The following OSBPL10 variants were observed in gnomAD, a reference collection of about 807,000 sequenced individuals.
OSBPL10 encodes oxysterol binding protein like 10, also known as oxysterol-binding protein-related protein 10.
OSBPL10 carries 49 observed loss-of-function variants against 81.7 expected under a neutral mutation model. The ratio of observed to expected loss-of-function variants is 0.60; its 90% CI spans 0.48 to 0.76. The LOEUF (loss-of-function observed/expected upper bound fraction) is 0.76, where lower values mean the gene tolerates loss of function less well. Ranked by LOEUF, OSBPL10 falls within the 30% of genes least tolerant of loss-of-function variation. The pLI, the probability that OSBPL10 is intolerant of heterozygous loss-of-function variation, is 0.00. For synonymous variants in OSBPL10, 419 were observed against 383.6 expected, an observed-to-expected ratio of 1.09 and a Z score of -1.08; for missense variants, 923 against 987.8, an observed-to-expected ratio of 0.93 and a Z score of 0.88.
intron 6 of OSBPL10, among the ~76,000 whole-genome samples, chr3:31,706,048 G>A (rs1201103863): frequency 2.6e-5 from 4 of 152,176 alleles, no homozygotes; most frequent in African/African-American, 7.2e-5. Flanking sequence ...TTGGAAAAAT[G>A]AGGATTTTAA....
chr3:31,678,378 G>C (rs1309783738), intron 8 of OSBPL10, among the ~76,000 whole-genome samples: 1 of 152,188 alleles, frequency 6.6e-6, no homozygotes, highest in Non-Finnish European at 1.5e-5. Context: ...GTGTGGGGAA[G>C]AGAGAATAAC....
At chr3:31,738,764 C>T (rs778589654) in intron 5 of OSBPL10, among the ~76,000 whole-genome samples, 7 of 152,168 alleles carry the variant, frequency 4.6e-5, no homozygotes, top group South Asian at 2.1e-4. Context: ...CAGACTCCTA[C>T]GCTATGCACC....
chr3:31,770,040 T>C (rs1698330995), intron 4 of OSBPL10, among the ~76,000 whole-genome samples: 1 of 152,182 alleles, frequency 6.6e-6, no homozygotes. Context: ...AAAGAGTCCT[T>C]GACTTTCATT....
At chr3:31,782,241 A>C (rs1398457093) in intron 4 of OSBPL10, among the ~76,000 whole-genome samples, 3 of 152,370 alleles carry the variant, frequency 2.0e-5, no homozygotes, top group Middle Eastern at 3.4e-3. Context: ...CACATGTACA[A>C]GAATGAAGCT....
At chr3:31,763,403 T>C (rs1698112287) in intron 4 of OSBPL10, among the ~76,000 whole-genome samples, 1 of 152,206 alleles carries the variant, frequency 6.6e-6, no homozygotes, top group South Asian at 2.1e-4. Flanking sequence ...TTAAACCATT[T>C]TCTTCAGACT....
At chr3:32,017,376 A>G (rs1458171504) in intron 2 of OSBPL10, among the ~76,000 whole-genome samples, 1 of 152,032 alleles carries the variant, frequency 6.6e-6, no homozygotes, top group East Asian at 1.9e-4. Context: ...ACACATTTTT[A>G]CTCTACCAAG....
intron 3 of OSBPL10, among the ~76,000 whole-genome samples, chr3:31,864,975 T>C (rs887809028): frequency 5.3e-5 from 8 of 151,848 alleles, no homozygotes; most frequent in Non-Finnish European, 1.2e-4. Flanking sequence ...CCTATGTTCC[T>C]GTTGCACAGG....
At chr3:31,815,547 G>A (rs12488832) in intron 4 of OSBPL10, among the ~76,000 whole-genome samples, 102,535 of 151,990 alleles carry the variant, frequency 0.67, 35,437 homozygotes, top group East Asian at 0.93. Context: ...TATGGAAACT[G>A]TGGTATTTAA....
chr3:31,793,979 G>C (rs1364698489), intron 4 of OSBPL10, among the ~76,000 whole-genome samples: 1 of 152,236 alleles, frequency 6.6e-6, no homozygotes, highest in Non-Finnish European at 1.5e-5. Flanking sequence ...TAGCAGCCAT[G>C]TTGGTTGGTG....
In OSBPL10 at chr3:31,740,857, T is replaced by TTTTATATATATATATATATATATATATA. The variant is rs1553620066; in HGVS notation, c.940+7052_940+7053insTATATATATATATATATATATATATAAA. Among the ~76,000 whole-genome samples, 196 of 136,398 alleles carry TTTTATATATATATATATATATATATATA rather than the reference T, an allele frequency of 1.4e-3. 4 individuals carry two copies. Among genetic ancestry groups the TTTTATATATATATATATATATATATATA allele is most frequent in the African/African-American group, 6.1e-3 (181 of 29,770 alleles). 89.5% of individuals were successfully genotyped at this position (136,398 alleles called of 152,430 possible). ...AACTTAATATGACCACTACTAGAAT[T>TTTTATATATATATATATATATATATATA]TATATATATATGTCATATTTCTTCC... is the stretch of plus-strand genomic sequence containing the variant. On this transcript the variant is annotated intron_variant, in intron 5 of 11. Transcript: ENST00000396556.
At chr3:32,036,531 TG>T (rs1699521806) in intron 2 of OSBPL10, among the ~76,000 whole-genome samples, 1 of 152,150 alleles carries the variant, frequency 6.6e-6, no homozygotes, top group Non-Finnish European at 1.5e-5. Flanking sequence ...AAGGTTACCA[TG>T]GGGTAAACCA....
At chr3:31,810,788 G>A (rs1699660930) in intron 4 of OSBPL10, among the ~76,000 whole-genome samples, 1 of 152,186 alleles carries the variant, frequency 6.6e-6, no homozygotes, top group Non-Finnish European at 1.5e-5. Flanking sequence ...GGCACAGTGA[G>A]TCCACAGGGT....
intron 7 of OSBPL10, among the ~76,000 whole-genome samples, chr3:31,698,907 C>G (rs1695809381): frequency 6.6e-6 from 1 of 152,156 alleles, no homozygotes; most frequent in Non-Finnish European, 1.5e-5. Context: ...TTTTCCCTCC[C>G]TCCTTCCCTC....
At chr3:31,985,867 A>G (rs987178984), upstream of OSBPL10, among the ~76,000 whole-genome samples, 4 of 152,174 alleles carry the variant, frequency 2.6e-5, no homozygotes, top group Non-Finnish European at 4.4e-5. Context: ...CAACAACCAC[A>G]TGAGGAGATC....
At chr3:31,860,584 G>C (rs957183372) in intron 3 of OSBPL10, among the ~76,000 whole-genome samples, 1 of 152,154 alleles carries the variant, frequency 6.6e-6, no homozygotes, top group Non-Finnish European at 1.5e-5. Context: ...CTGATGACCT[G>C]ACCCACCACA....
At chr3:31,921,070 G>A (rs988175664) in intron 1 of OSBPL10, among the ~76,000 whole-genome samples, 3 of 152,156 alleles carry the variant, frequency 2.0e-5, no homozygotes, top group Non-Finnish European at 2.9e-5. Context: ...GGGGGTGAAC[G>A]ATAAACTAGA....
chr3:31,661,930 A>T lies in OSBPL10; in HGVS notation c.*142T>A, dbSNP rs978698295. The stretch of plus-strand genomic sequence containing the variant: ...CAGAGTGTGGGGGTGCACTTTTCAT[A>T]GTATATAATTTCTCTCTCTCTCATC... On this transcript the variant is annotated 3_prime_UTR_variant, in exon 12 of 12. Coordinates refer to ENST00000396556, the MANE Select transcript of OSBPL10 (RefSeq NM_017784.5). 6.4e-6 allele frequency: 8 copies of T among 1,246,926 alleles called. No individual in the cohort carries two copies. Among genetic ancestry groups the T allele is most frequent in the Non-Finnish European group, 8.9e-6 (8 of 899,218 alleles). 77.2% of individuals were successfully genotyped at this position (1,246,926 alleles called of 1,614,324 possible). A position where few individuals can be genotyped will look rare whatever the true frequency, so the allele number is the denominator to read the frequency against.
intron 8 of OSBPL10, among the ~76,000 whole-genome samples, chr3:31,672,382 GGGAGA>G (rs1700345448): frequency 9.3e-6 from 1 of 107,262 alleles, no homozygotes; most frequent in Admixed American, 8.8e-5. Flanking sequence ...GCAGGAGGGA[GGGAGA>G]GGGAGAGGGA....
intron 4 of OSBPL10, among the ~76,000 whole-genome samples, chr3:31,782,974 A>C (rs1217713855): frequency 6.6e-6 from 1 of 152,088 alleles, no homozygotes; most frequent in African/African-American, 2.4e-5. Context: ...TACATGAAAA[A>C]GACACTTGCA....
Sources: gnomAD v4.1 joint callset for allele counts (sites outside exome capture counted in the v4.1 genomes callset) on GRCh38, gnomAD v4.1.1 for gene constraint, MANE v1.5 for transcripts, NCBI Gene and HGNC (gene_info 2026-07-23, HGNC 2026-07-21) for gene names.